Variants in DLGAP2 observed in about 807,000 individuals in gnomAD.
DLGAP2 encodes the protein disks large-associated protein 2.
Under a neutral mutation model 100.3 loss-of-function variants are expected in DLGAP2, and 26 were observed. The observed-to-expected ratio is 0.26, with a 90% CI of 0.19 to 0.36. DLGAP2 has a LOEUF of 0.36. DLGAP2 is among the 10% of genes least tolerant of loss of function. The pLI is 1.00. For missense variants in DLGAP2, 1,858 were observed against 1,453.2 expected (o/e 1.28, Z -4.53); for synonymous variants, 886 against 630.1 (o/e 1.41, Z -6.08).
chr8:883,655 C>G (rs1375874082), intron 1 of DLGAP2, among the ~76,000 whole-genome samples: 5 of 149,282 alleles, frequency 3.3e-5, no homozygotes, highest in South Asian at 2.2e-4. Flanking sequence ...CGCGGCGGTT[C>G]GTTACGTAGG....
chr8:1,371,390 G>C (rs1802233201), intron 3 of DLGAP2, among the ~76,000 whole-genome samples: 1 of 152,222 alleles, frequency 6.6e-6, no homozygotes, highest in Non-Finnish European at 1.5e-5. Flanking sequence ...TTGTCCGCTT[G>C]GCAGAAGTCA....
intron 8 of DLGAP2, among the ~76,000 whole-genome samples, chr8:1,664,021 T>A (rs1798480691): frequency 6.6e-6 from 1 of 152,208 alleles, no homozygotes; most frequent in Non-Finnish European, 1.5e-5. Context: ...AGTATCCTTA[T>A]GCCAGAGAAT....
chr8:1,366,875 A>G (rs1477405698), intron 3 of DLGAP2, among the ~76,000 whole-genome samples: 1 of 152,190 alleles, frequency 6.6e-6, no homozygotes, highest in Non-Finnish European at 1.5e-5. Flanking sequence ...CAGTGTTAAC[A>G]TTTACATGGC....
rs79162251 is a variant in DLGAP2 at position 1,562,411 on chromosome 8, A to G, written c.1231-3272A>G. The stretch of plus-strand genomic sequence containing the variant: ...GGTGTTCGGGTGTCCGCGCCTCGTT[A>G]CTGGGGGACTGTGTGGAGTTCGGGT... On this transcript the variant is annotated intron_variant, in intron 5 of 14. Coordinates refer to ENST00000637795, the MANE Select transcript of DLGAP2 (RefSeq NM_001346810.2). 2.2e-3 allele frequency among the ~76,000 whole-genome samples: 91 copies of G among 41,860 alleles called. 14 individuals carry two copies. Among genetic ancestry groups the G allele is most frequent in the Non-Finnish European group, 3.1e-3 (71 of 23,268 alleles). 27.5% of individuals were successfully genotyped at this position (41,860 alleles called of 152,430 possible). A position where few individuals can be genotyped will look rare whatever the true frequency, so the allele number is the denominator to read the frequency against.
chr8:1,243,804 C>T (rs1334861096), intron 2 of DLGAP2, among the ~76,000 whole-genome samples: 1 of 152,206 alleles, frequency 6.6e-6, no homozygotes, highest in Non-Finnish European at 1.5e-5. Context: ...CCATTGAAAC[C>T]TTCCTCAGTC....
At chr8:1,454,824 C>T (rs946394650) in intron 3 of DLGAP2, among the ~76,000 whole-genome samples, 3 of 152,144 alleles carry the variant, frequency 2.0e-5, no homozygotes, top group African/African-American at 2.4e-5. Flanking sequence ...CTCAGACCTT[C>T]GATACCCCAT....
chr8:940,957 G>C (rs1327980104), intron 2 of DLGAP2, among the ~76,000 whole-genome samples: 1 of 152,110 alleles, frequency 6.6e-6, no homozygotes, highest in Non-Finnish European at 1.5e-5. Context: ...TGCCAGGAGA[G>C]GGGAGCAGCG....
chr8:1,346,941 C>T (rs1436617363), intron 3 of DLGAP2, among the ~76,000 whole-genome samples: 1 of 151,350 alleles, frequency 6.6e-6, no homozygotes, highest in African/African-American at 2.4e-5. Flanking sequence ...GCATTGCTCT[C>T]ATGGTAGCTC....
intron 1 of DLGAP2, among the ~76,000 whole-genome samples, chr8:779,212 G>T (rs1367597660): frequency 6.6e-6 from 1 of 152,174 alleles, no homozygotes; most frequent in African/African-American, 2.4e-5. Flanking sequence ...CGCATGGTGC[G>T]CGCACCCACT....
At chr8:1,108,551 A>G (rs1246223898) in intron 2 of DLGAP2, among the ~76,000 whole-genome samples, 2 of 143,218 alleles carry the variant, frequency 1.4e-5, no homozygotes, top group Non-Finnish European at 1.5e-5. Context: ...GCATGTGCCT[A>G]TGAAGTGTGC....
At chr8:1,377,455 A>T (rs977548715) in intron 3 of DLGAP2, among the ~76,000 whole-genome samples, 1 of 152,198 alleles carries the variant, frequency 6.6e-6, no homozygotes, top group Admixed American at 6.5e-5. Context: ...GAGACAGGAT[A>T]ATGGTGTGAA....
At chr8:776,462 T>G (rs1486320161) in intron 1 of DLGAP2, among the ~76,000 whole-genome samples, 2 of 152,224 alleles carry the variant, frequency 1.3e-5, no homozygotes, top group Non-Finnish European at 2.9e-5. Flanking sequence ...ATTTTGGATC[T>G]TTCCTGCTTT....
chr8:1,249,271 A>G (rs1393284861), intron 2 of DLGAP2, among the ~76,000 whole-genome samples: 4 of 152,206 alleles, frequency 2.6e-5, no homozygotes, highest in East Asian at 1.9e-4. Context: ...GAAATGGGCC[A>G]CTGGGCCTCT....
chr8:962,984 G>A (rs1799762265), intron 2 of DLGAP2, among the ~76,000 whole-genome samples: 1 of 152,202 alleles, frequency 6.6e-6, no homozygotes, highest in Non-Finnish European at 1.5e-5. Context: ...GTCCTCTGAT[G>A]GGAAAAGTGT....
At chr8:886,957 T>C (rs1054950310) in intron 1 of DLGAP2, among the ~76,000 whole-genome samples, 2 of 152,230 alleles carry the variant, frequency 1.3e-5, no homozygotes, top group African/African-American at 4.8e-5. Flanking sequence ...TGTCTAACAC[T>C]GACAGTGGGG....
At chr8:1,186,075 C>T (rs923503398) in intron 2 of DLGAP2, among the ~76,000 whole-genome samples, 7 of 152,176 alleles carry the variant, frequency 4.6e-5, no homozygotes, top group Non-Finnish European at 7.3e-5. Flanking sequence ...GCCCCAGGGT[C>T]GAATCCTGCC....
At chr8:1,277,069 A>G (rs1799712523) in intron 3 of DLGAP2, among the ~76,000 whole-genome samples, 1 of 152,104 alleles carries the variant, frequency 6.6e-6, no homozygotes, top group Admixed American at 6.5e-5. Flanking sequence ...CATTTTTCTG[A>G]TACAAGTTGT....
intron 1 of DLGAP2, among the ~76,000 whole-genome samples, chr8:878,602 G>A (rs1797727070): frequency 1.3e-5 from 2 of 152,264 alleles, no homozygotes; most frequent in South Asian, 4.1e-4. Flanking sequence ...AAAACTCACT[G>A]AGGCTTGGTC....
intron 1 of DLGAP2, among the ~76,000 whole-genome samples, chr8:757,536 A>G (rs73524808): frequency 0.12 from 18,039 of 151,970 alleles, 1,324 homozygotes; most frequent in African/African-American, 0.21. Flanking sequence ...CCTTTGCTTC[A>G]TTTGGGTTTT....
Sources: gnomAD v4.1 joint callset for allele counts (sites outside exome capture counted in the v4.1 genomes callset) on GRCh38, gnomAD v4.1.1 for gene constraint, MANE v1.5 for transcripts, NCBI Gene and HGNC (gene_info 2026-07-23, HGNC 2026-07-21) for gene names.